Variants in ZNF687 observed in about 807,000 individuals in gnomAD.
ZNF687 encodes zinc finger protein 687.
Under a neutral mutation model 71.8 loss-of-function variants are expected in ZNF687, and 13 were observed. The observed-to-expected ratio is 0.18, with a 90% CI of 0.12 to 0.29. The LOEUF is 0.29. Among genes scored for constraint, ZNF687 ranks in the 10% least tolerant of loss-of-function variants. The pLI, the probability that ZNF687 is intolerant of heterozygous loss-of-function variation, is 1.00. For synonymous variants in ZNF687, 673 were observed against 641.6 expected (o/e 1.05, Z -0.74); for missense variants, 1,412 against 1,625.6 (o/e 0.87, Z 2.26).
In ZNF687 at chr1:151,282,326, C is replaced by T. The variant is rs1693744133; in HGVS notation, c.-87C>T. The T allele has an allele frequency of 4.0e-6, 4 of 999,686 alleles. No homozygotes were observed. Among genetic ancestry groups the T allele is most frequent in the East Asian group, 1.1e-4 (1 of 9,272 alleles). The allele number at this position is 999,686 out of a possible 1,614,324, so 61.9% of individuals were successfully genotyped here. Reference sequence around the variant, plus strand: ...GAAGTAGCGGCGGCCGCGGGGAGGGCGGCGGTGGCTGCAGCGGCTGGAGCG... The same window carrying T: ...GAAGTAGCGGCGGCCGCGGGGAGGGTGGCGGTGGCTGCAGCGGCTGGAGCG... On this transcript the variant is annotated 5_prime_UTR_variant, in exon 1 of 9. Transcript: ENST00000336715.
Position 151,287,694 on chromosome 1 carries a change from C to T in ZNF687, c.1403C>T (p.Ala468Val), listed in dbSNP as rs1258032223. 1.6e-5 allele frequency: 26 copies of T among 1,613,238 alleles called. No individual in the cohort carries two copies. Among genetic ancestry groups the T allele is most frequent in the Non-Finnish European group, 2.1e-5 (25 of 1,179,748 alleles). Residue 468 changes from alanine to valine, a missense_variant, in exon 2 of 9, where the codon GCC (alanine) becomes GTC (valine). Coordinates refer to ENST00000336715, the MANE Select transcript of ZNF687 (RefSeq NM_020832.3). This position sits in a 1 kb window ranked among gnomAD's most constrained non-coding sequence, Gnocchi z 5.0. ...ACTGGGGGACAGAAGGTGAATGGTG[C>T]CTCGGTGGTGATGGTGCAACCTTCA... Reference protein sequence around the residue: ...LGTGGQKVNGASVVMVQPSKT... With the variant: ...LGTGGQKVNGVSVVMVQPSKT...
chr1:151,291,213 C>T lies in ZNF687; in HGVS notation c.*4C>T. 6.2e-7 allele frequency: 1 copy of T among 1,606,078 alleles called. No homozygotes were observed. Among genetic ancestry groups the T allele is most frequent in the Non-Finnish European group, 8.5e-7 (1 of 1,175,562 alleles). ...GGGGGCTGTTGGGGACAACTAGTCT[C>T]CAAGGCCTGGGACTGACCAGCCCCT... is the stretch of plus-strand genomic sequence containing the variant. On this transcript the variant is annotated 3_prime_UTR_variant, in exon 9 of 9. Coordinates refer to ENST00000336715, the MANE Select transcript of ZNF687 (RefSeq NM_020832.3).
intron 1 of ZNF687, chr1:151,283,407 G>A: frequency 2.7e-6 from 2 of 727,656 alleles, no homozygotes; most frequent in Non-Finnish European, 3.4e-6. Context: ...GGGAAAGGGG[G>A]CGGGGGAGAT....
rs1208304632 is a variant in ZNF687 at position 151,286,968 on chromosome 1, G to T, written c.677G>T (p.Cys226Phe). 1.2e-6 allele frequency: 2 copies of T among 1,606,886 alleles called. No individual in the cohort carries two copies. Among genetic ancestry groups the T allele is most frequent in the East Asian group, 4.5e-5 (2 of 44,766 alleles). Residue 226 changes from cysteine (C) to phenylalanine (F), a missense_variant, in exon 2 of 9, where the codon TGC (cysteine) becomes TTC (phenylalanine). Around this residue, in one of 8 missense-constraint regions of ZNF687, gnomAD observed 490 missense variants for 489.9 expected, o/e 1.00. Transcript: ENST00000336715. ...TTGGGGGCCTTGAAGCAGGAGAGCT[G>T]CAGCCCCCATCATCCCCAGGTCCTA... Reference protein sequence around the residue: ...PPLGALKQESCSPHHPQVLAQ... With the variant: ...PPLGALKQESFSPHHPQVLAQ...
rs988192468 is a variant in ZNF687, at chr1:151,289,287, G to A, written c.2471+16G>A. 11 of 1,612,822 alleles carry A rather than the reference G, an allele frequency of 6.8e-6. No homozygotes were observed. The highest frequency in any genetic ancestry group is 6.7e-5 in the African/African-American group (5 of 74,938). On this transcript the variant is annotated intron_variant, in intron 4 of 8. Coordinates refer to ENST00000336715, the MANE Select transcript of ZNF687 (RefSeq NM_020832.3). ...AGCAGGCCAAGTGAGGCCCGGGGGA[G>A]GGCCGGGCTGGGCCAGGGAGGGCTG...
chr1:151,286,489 A>T lies in ZNF687; in HGVS notation c.198A>T (p.Pro66=). ...AASAGDGPGV[P]AQASDHGLPP... ...CTGCTGGGGATGGCCCTGGAGTTCCAGCCCAGGCCTCTGACCATGGCCTGC... is the reference window on the plus strand; with the variant it reads ...CTGCTGGGGATGGCCCTGGAGTTCCTGCCCAGGCCTCTGACCATGGCCTGC... Residue 66 remains proline (P), a synonymous_variant, in exon 2 of 9, where the codon CCA becomes CCT. Coordinates refer to ENST00000336715, the MANE Select transcript of ZNF687 (RefSeq NM_020832.3). 1 of 1,614,090 alleles carries T rather than the reference A, an allele frequency of 6.2e-7. No homozygotes were observed. Among genetic ancestry groups the T allele is most frequent in the African/African-American group, 1.3e-5 (1 of 75,058 alleles).
chr1:151,287,239 C>T lies in ZNF687; in HGVS notation c.948C>T (p.Ser316=). The T allele has an allele frequency of 1.2e-6, 2 of 1,614,210 alleles. No individual in the cohort carries two copies. Among genetic ancestry groups the T allele is most frequent in the Non-Finnish European group, 1.7e-6 (2 of 1,180,034 alleles). ...SSGAEAADED[S]NDSPASSSSR... is the part of the protein sequence containing the mutation. Reference sequence around the variant, plus strand: ...GGGCCGAGGCTGCAGATGAGGACAGCAATGACTCCCCTGCCTCCAGCTCCT... The same window carrying T: ...GGGCCGAGGCTGCAGATGAGGACAGTAATGACTCCCCTGCCTCCAGCTCCT... Residue 316 remains serine, a synonymous_variant, in exon 2 of 9, where the codon AGC becomes AGT. Coordinates refer to ENST00000336715, the MANE Select transcript of ZNF687 (RefSeq NM_020832.3). This position sits in a 1 kb window ranked among gnomAD's most constrained non-coding sequence, Gnocchi z 5.0.
rs151093902 is a variant in ZNF687 at position 151,287,128 on chromosome 1, C to T, written c.837C>T (p.Pro279=). The T allele has an allele frequency of 1.7e-3, 2,803 of 1,614,114 alleles. 5 individuals carry two copies. Among genetic ancestry groups the T allele is most frequent in the Non-Finnish European group, 1.8e-3 (2,156 of 1,180,012 alleles). The change falls in exon 2 of 9, where the codon CCC becomes CCT. Residue 279 remains proline (P), a synonymous_variant. Transcript: ENST00000336715. The surrounding 1 kb of genome is among the most constrained non-coding windows in gnomAD (Gnocchi z 5.0). ...HQSPLASPKV[P]VCQPLKEEDD... is the part of the protein sequence containing the mutation. Reference sequence around the variant, plus strand: ...GCCCTCTTGCCTCCCCCAAAGTGCCCGTCTGTCAGCCCTTGAAGGAAGAAG... The same window carrying T: ...GCCCTCTTGCCTCCCCCAAAGTGCCTGTCTGTCAGCCCTTGAAGGAAGAAG...
Position 151,290,805 on chromosome 1 carries a change from C to T in ZNF687, c.3310C>T (p.Pro1104Ser). The T allele has an allele frequency of 6.2e-7, 1 of 1,613,888 alleles. No individual in the cohort carries two copies. The highest frequency in any genetic ancestry group is 1.1e-5 in the South Asian group (1 of 91,078). ...TPPAKSPRGG[P>S]GSGGHGPLRY... ...GCCAGCCAAGTCCCCCAGGGGCGGACCTGGATCTGGAGGCCATGGCCCTCT... is the reference window on the plus strand; with the variant it reads ...GCCAGCCAAGTCCCCCAGGGGCGGATCTGGATCTGGAGGCCATGGCCCTCT... The change falls in exon 9 of 9, where the codon CCT becomes TCT. Residue 1104 changes from proline to serine, a missense_variant. This residue lies in a region of ZNF687 where 284 missense variants were observed against 359.2 expected (regional missense o/e 0.79). Transcript: ENST00000336715.
chr1:151,283,739 C>A (rs1693829347), intron 1 of ZNF687: 1 of 849,576 alleles, frequency 1.2e-6, no homozygotes, highest in Non-Finnish European at 1.4e-6. Flanking sequence ...TTGTTTAAAC[C>A]CAGATTCTGC....
In ZNF687 at chr1:151,291,295, C is replaced by T; in HGVS notation, c.*86C>T. On this transcript the variant is annotated 3_prime_UTR_variant, in exon 9 of 9. Transcript: ENST00000336715. ...CCTGATCCCTCGGCTGGGGAGTTTT[C>T]ATTAACATTAATATTTTGTTAATTC... The T allele has an allele frequency of 1.4e-6, 2 of 1,459,178 alleles. No individual in the cohort carries two copies. Among genetic ancestry groups the T allele is most frequent in the South Asian group, 1.4e-5 (1 of 73,214 alleles). The allele number at this position is 1,459,178 out of a possible 1,614,324, so 90.4% of individuals were successfully genotyped here. A position where few individuals can be genotyped will look rare whatever the true frequency, so the allele number is the denominator to read the frequency against.
intron 1 of ZNF687, chr1:151,283,931 G>C: frequency 1.0e-6 from 1 of 985,422 alleles, no homozygotes; most frequent in Non-Finnish European, 1.2e-6. Flanking sequence ...GGAATGGATA[G>C]GGATAGACTC....
In ZNF687 at chr1:151,288,484, C is replaced by G. The variant is rs780691815; in HGVS notation, c.2116-44C>G. ...GGGGCTTGGTTAGAAGTAATGGAGA[C>G]AGGACACTCCTCACCGACTTTCCTT... On this transcript the variant is annotated intron_variant, in intron 2 of 8. Coordinates refer to ENST00000336715, the MANE Select transcript of ZNF687 (RefSeq NM_020832.3). The G allele has an allele frequency of 1.5e-5, 23 of 1,578,270 alleles. No homozygotes were observed. The East Asian group carries it at 4.3e-4, about 29-fold the overall frequency.
At chr1:151,290,401 G>C in intron 7 of ZNF687, 31 bp from the exon 8 acceptor site, 11 of 1,613,474 alleles carry the variant, frequency 6.8e-6, no homozygotes, top group Non-Finnish European at 9.3e-6. Context: ...GGGCTGTGCC[G>C]CTGCTGCCAT....
intron 1 of ZNF687, chr1:151,284,331 G>A: frequency 2.1e-6 from 2 of 933,410 alleles, no homozygotes; most frequent in Non-Finnish European, 2.6e-6. Context: ...GGAAGGGCTG[G>A]CTAGGGGAGG....
In ZNF687 at chr1:151,287,524, T is replaced by C; in HGVS notation, c.1233T>C (p.Thr411=). 1 of 1,614,118 alleles carries C rather than the reference T, an allele frequency of 6.2e-7. No individual in the cohort carries two copies. The highest frequency in any genetic ancestry group is 8.5e-7 in the Non-Finnish European group (1 of 1,180,012). Residue 411 remains threonine (T), a synonymous_variant, in exon 2 of 9, where the codon ACT becomes ACC. Transcript: ENST00000336715. The surrounding 1 kb of genome is among the most constrained non-coding windows in gnomAD (Gnocchi z 5.0). The part of the protein sequence containing the change: ...LPVATIQNAS[T]AMLMAASVAR... ...TGGCCACCATCCAGAACGCCAGTACTGCCATGCTGATGGCAGCCAGTGTGG... is the reference window on the plus strand; with the variant it reads ...TGGCCACCATCCAGAACGCCAGTACCGCCATGCTGATGGCAGCCAGTGTGG...
rs1157667150 is a variant in ZNF687 at position 151,291,313 on chromosome 1, G to GTTAA, written c.*107_*110dup. On this transcript the variant is annotated 3_prime_UTR_variant, in exon 9 of 9. Coordinates refer to ENST00000336715, the MANE Select transcript of ZNF687 (RefSeq NM_020832.3). ...GAGTTTTCATTAACATTAATATTTTGTTAATTCCTGTCTCTCCAACCTGAA... is the reference window on the plus strand; with the variant it reads ...GAGTTTTCATTAACATTAATATTTTGTTAATTAATTCCTGTCTCTCCAACCTGAA... The GTTAA allele has an allele frequency of 1.5e-6, 2 of 1,356,070 alleles. No individual in the cohort carries two copies. Among genetic ancestry groups the GTTAA allele is most frequent in the Non-Finnish European group, 2.0e-6 (2 of 1,014,180 alleles). The allele number at this position is 1,356,070 out of a possible 1,614,324, so 84.0% of individuals were successfully genotyped here.
chr1:151,289,397 A>G lies in ZNF687; in HGVS notation c.2491A>G (p.Met831Val), dbSNP rs1358421327. The G allele has an allele frequency of 4.3e-6, 7 of 1,614,188 alleles. No homozygotes were observed. The East Asian group carries it at 1.6e-4, about 36-fold the overall frequency. The part of the protein sequence containing the change: ...QQAKLIYKCA[M>V]CDTVFTHKPL... Reference sequence around the variant, plus strand: ...CTTCAGGCTGATCTACAAGTGCGCCATGTGCGACACAGTCTTCACTCACAA... The same window carrying G: ...CTTCAGGCTGATCTACAAGTGCGCCGTGTGCGACACAGTCTTCACTCACAA... Residue 831 changes from methionine to valine, a missense_variant, in exon 5 of 9, where the codon ATG (methionine) becomes GTG (valine). Met to Val is a conservative substitution (Grantham distance 21). This residue lies in a region of ZNF687 where 106 missense variants were observed against 146.0 expected (regional missense o/e 0.73). Transcript: ENST00000336715.
In ZNF687 at chr1:151,291,575, T is replaced by C. The variant is rs1694253301; in HGVS notation, c.*366T>C. 5.3e-6 allele frequency: 1 copy of C among 189,432 alleles called. No individual in the cohort carries two copies. The highest frequency in any genetic ancestry group is 1.1e-5 in the Non-Finnish European group (1 of 91,210). The allele number at this position is 189,432 out of a possible 1,614,324, so 11.7% of individuals were successfully genotyped here. A position where few individuals can be genotyped will look rare whatever the true frequency, so the allele number is the denominator to read the frequency against. On this transcript the variant is annotated 3_prime_UTR_variant, in exon 9 of 9. Transcript: ENST00000336715. ...GGGGTGTCATGGATGGACACACCTC[T>C]CCACAATTCCTTCAGGCATGGACTG...
Sources: allele counts gnomAD v4.1 joint callset, GRCh38; gene constraint gnomAD v4.1.1; regional missense constraint gnomAD v4.1.1; non-coding constraint Gnocchi (gnomAD v3.1); transcripts MANE v1.5; gene names NCBI Gene and HGNC (gene_info 2026-07-23, HGNC 2026-07-21).